ZNF57: variants seen among roughly 807,000 people sequenced by gnomAD.
ZNF57 encodes the protein zinc finger protein 424.
A neutral mutation model predicts 13.4 loss-of-function variants in ZNF57; 11 were observed. The ratio of observed to expected loss-of-function variants is 0.82; its 90% CI spans 0.52 to 1.36. The LOEUF is 1.36. Among genes scored for constraint, ZNF57 ranks in the 40% most tolerant of loss-of-function variants. The pLI is 0.00. For missense variants in ZNF57, 696 were observed against 667.5 expected, an observed-to-expected ratio of 1.04 and a Z score of -0.47; for synonymous variants, 224 against 238.5, an observed-to-expected ratio of 0.94 and a Z score of 0.56.
intron 1 of ZNF57, among the ~76,000 whole-genome samples, chr19:2,908,892 T>C (rs2088103176): frequency 9.1e-6 from 1 of 110,330 alleles, no homozygotes; most frequent in Non-Finnish European, 1.9e-5. Context: ...TGACATTTCG[T>C]ATGTTGTTTC....
intron 1 of ZNF57, among the ~76,000 whole-genome samples, chr19:2,901,938 CA>C (rs2088033825): frequency 6.6e-6 from 1 of 152,010 alleles, no homozygotes; most frequent in African/African-American, 2.4e-5. Flanking sequence ...AGTACATTCA[CA>C]AGGGCTTGGG....
intron 1 of ZNF57, among the ~76,000 whole-genome samples, chr19:2,910,754 CTG>C (rs1281878445): frequency 1.8e-4 from 21 of 114,246 alleles, no homozygotes; most frequent in East Asian, 3.6e-4. Context: ...GCCAATGCGC[CTG>C]GCCTAATTTT....
At chr19:2,913,043 T>A (rs923073220) in intron 1 of ZNF57, among the ~76,000 whole-genome samples, 2 of 152,170 alleles carry the variant, frequency 1.3e-5, no homozygotes, top group African/African-American at 4.8e-5. Context: ...AACCTCTGCC[T>A]CCTGGGTTCA....
intron 1 of ZNF57, among the ~76,000 whole-genome samples, chr19:2,906,923 G>A (rs546232076): frequency 1.5e-3 from 227 of 152,252 alleles, no homozygotes; most frequent in Non-Finnish European, 2.6e-3. Context: ...AGGCCACATG[G>A]GAGGACAGTG....
intron 1 of ZNF57, among the ~76,000 whole-genome samples, chr19:2,906,024 C>T (rs1022876271): frequency 4.6e-5 from 7 of 152,052 alleles, no homozygotes; most frequent in Non-Finnish European, 7.4e-5. Context: ...TGATGTCATT[C>T]GGTAGTGTTT....
chr19:2,907,736 G>A (rs2088088661), intron 1 of ZNF57, among the ~76,000 whole-genome samples: 1 of 152,188 alleles, frequency 6.6e-6, no homozygotes, highest in Non-Finnish European at 1.5e-5. Context: ...CTCATTAAGA[G>A]AGGATCTCAC....
chr19:2,914,756 T>G (rs2088173565), intron 1 of ZNF57, among the ~76,000 whole-genome samples: 1 of 152,140 alleles, frequency 6.6e-6, no homozygotes, highest in East Asian at 1.9e-4. Flanking sequence ...CCCTCCAACT[T>G]CTATGGCAAT....
chr19:2,915,482 T>A, intron 1 of ZNF57, 40 bp from the exon 2 acceptor site: 1 of 1,599,860 alleles, frequency 6.3e-7, no homozygotes, highest in Non-Finnish European at 8.5e-7. Context: ...GTACTTTCAG[T>A]GTCTCCAATC....
chr19:2,904,398 G>C (rs2088055783), intron 1 of ZNF57, among the ~76,000 whole-genome samples: 2 of 152,144 alleles, frequency 1.3e-5, no homozygotes, highest in South Asian at 2.1e-4. Context: ...CTGGAGTGCA[G>C]TGGTGTGATC....
intron 2 of ZNF57, 39 bp from the exon 3 acceptor site, chr19:2,916,039 T>C (rs1003613554): frequency 1.9e-6 from 3 of 1,594,560 alleles, no homozygotes; most frequent in African/African-American, 1.4e-5. Flanking sequence ...TTAATACGTG[T>C]CTTATTCCTT....
chr19:2,904,828 C>T (rs1457978842), intron 1 of ZNF57, among the ~76,000 whole-genome samples: 1 of 152,030 alleles, frequency 6.6e-6, no homozygotes, highest in African/African-American at 2.4e-5. Context: ...AGGTGTGAGC[C>T]ACACTGCACC....
At position 2,916,522 on chromosome 19, in the gene ZNF57, C is replaced by G. The variant is rs550772217; in HGVS notation, c.302+273C>G. 3 of 279,032 alleles carry G rather than the reference C, an allele frequency of 1.1e-5. No individual in the cohort carries two copies. In the East Asian group the frequency reaches 2.1e-4, roughly 19 times the overall value. 17.3% of individuals were successfully genotyped at this position (279,032 alleles called of 1,614,324 possible). On this transcript the variant is annotated intron_variant, in intron 3 of 3. Transcript: ENST00000306908. Reference sequence around the variant, plus strand: ...GGTCAGGAGATCAAGACCATTCTGGCTAACATGGTGAAAACCCGCCTCTAC... The same window carrying G: ...GGTCAGGAGATCAAGACCATTCTGGGTAACATGGTGAAAACCCGCCTCTAC...
At position 2,901,011 on chromosome 19, in the gene ZNF57, G is replaced by A; in HGVS notation, c.-35G>A. On this transcript the variant is annotated 5_prime_UTR_variant, in exon 1 of 4. Coordinates refer to ENST00000306908, the MANE Select transcript of ZNF57 (RefSeq NM_173480.3). ...GCTGCGCCGGCCGCGAGGCCACGGAGAGCTCGCCTTGGAGAGCCCAGGAGC... is the reference window on the plus strand; with the variant it reads ...GCTGCGCCGGCCGCGAGGCCACGGAAAGCTCGCCTTGGAGAGCCCAGGAGC... 1 of 1,555,594 alleles carries A rather than the reference G, an allele frequency of 6.4e-7. No homozygotes were observed. The highest frequency in any genetic ancestry group is 8.7e-7 in the Non-Finnish European group (1 of 1,148,872).
chr19:2,907,654 A>G (rs1033664977), intron 1 of ZNF57, among the ~76,000 whole-genome samples: 6 of 152,146 alleles, frequency 3.9e-5, no homozygotes, highest in Non-Finnish European at 8.8e-5. Context: ...TGTTCTTCGG[A>G]AAGTTTTGGC....
At chr19:2,901,841 A>T in intron 1 of ZNF57, among the ~76,000 whole-genome samples, 1 of 152,108 alleles carries the variant, frequency 6.6e-6, no homozygotes, top group South Asian at 2.1e-4. Flanking sequence ...TAGGTTTGGG[A>T]CAGGCATCGG....
intron 1 of ZNF57, among the ~76,000 whole-genome samples, chr19:2,908,298 G>A (rs554931856): frequency 1.3e-5 from 2 of 152,098 alleles, no homozygotes; most frequent in Admixed American, 6.5e-5. Context: ...CTAGTATAAC[G>A]TTGACTAGAG....
intron 1 of ZNF57, among the ~76,000 whole-genome samples, chr19:2,905,407 G>GCCGCCCC (rs2088064521): frequency 2.9e-5 from 1 of 34,818 alleles, no homozygotes; most frequent in Non-Finnish European, 5.4e-5. Context: ...TCAGGTGATC[G>GCCGCCCC]CCCCCCCCCC....
chr19:2,916,730 TAAAAAG>T, intron 3 of ZNF57, 188 bp from the exon 4 acceptor site: 1 of 443,294 alleles, frequency 2.3e-6, no homozygotes, highest in African/African-American at 2.0e-5. Context: ...AATAAATAAA[TAAAAAG>T]AAATTACAGG....
intron 1 of ZNF57, among the ~76,000 whole-genome samples, chr19:2,905,050 C>T (rs1449944425): frequency 6.6e-6 from 1 of 152,182 alleles, no homozygotes; most frequent in African/African-American, 2.4e-5. Flanking sequence ...AACTGCCCCT[C>T]GTTTCCAGCA....
Sources: allele counts gnomAD v4.1 joint callset (sites outside exome capture counted in the v4.1 genomes callset), GRCh38; gene constraint gnomAD v4.1.1; transcripts MANE v1.5; gene names NCBI Gene and HGNC (gene_info 2026-07-23, HGNC 2026-07-21).